The following GAREM1 variants were observed in gnomAD, a reference collection of about 807,000 sequenced individuals.
The protein encoded by GAREM1 is GRB2-associated and regulator of MAPK protein 1.
Under a neutral mutation model 71.3 loss-of-function variants are expected in GAREM1, and 26 were observed. That is an observed-to-expected ratio of 0.36 (90% CI 0.27 to 0.51). The LOEUF is 0.51. Among genes scored for constraint, GAREM1 ranks in the 20% least tolerant of loss-of-function variants. The pLI, the probability that GAREM1 is intolerant of heterozygous loss-of-function variation, is 0.95. For missense variants in GAREM1, 1,026 were observed against 1,103.1 expected, an observed-to-expected ratio of 0.93 and a Z score of 0.99; for synonymous variants, 440 against 433.2, an observed-to-expected ratio of 1.02 and a Z score of -0.20.
chr18:32,407,969 T>C (rs2048380338), intron 1 of GAREM1, among the ~76,000 whole-genome samples: 1 of 151,876 alleles, frequency 6.6e-6, no homozygotes, highest in Non-Finnish European at 1.5e-5. Context: ...AACTAGAGTT[T>C]TGTCTTTTTT....
chr18:32,362,684 C>T (rs2047877442), intron 2 of GAREM1, among the ~76,000 whole-genome samples: 1 of 152,166 alleles, frequency 6.6e-6, no homozygotes, highest in Non-Finnish European at 1.5e-5. Context: ...ACCTAACCAT[C>T]CACTTATGCT....
intron 1 of GAREM1, among the ~76,000 whole-genome samples, chr18:32,443,375 T>C (rs1386642178): frequency 6.6e-6 from 1 of 152,114 alleles, no homozygotes; most frequent in African/African-American, 2.4e-5. Flanking sequence ...GAAGAAAGTA[T>C]TTACAAAACA....
intron 2 of GAREM1, among the ~76,000 whole-genome samples, chr18:32,334,881 G>A (rs887401961): frequency 6.6e-5 from 10 of 152,088 alleles, no homozygotes; most frequent in African/African-American, 2.2e-4. Context: ...ACCCTCAGGA[G>A]AGTTGACAAA....
intron 4 of GAREM1, among the ~76,000 whole-genome samples, chr18:32,285,574 A>T (rs2047005827): frequency 6.6e-6 from 1 of 152,172 alleles, no homozygotes; most frequent in Non-Finnish European, 1.5e-5. Flanking sequence ...CTTCCAATTC[A>T]GGTACATTTT....
intron 4 of GAREM1, among the ~76,000 whole-genome samples, chr18:32,279,726 C>T (rs551835506): frequency 4.9e-4 from 75 of 152,272 alleles, no homozygotes; most frequent in African/African-American, 1.6e-3. Flanking sequence ...ACGCCAGGTC[C>T]GTGGAAAAAT....
chr18:32,331,493 C>G (rs1180661636), intron 2 of GAREM1: 1 of 152,260 alleles, frequency 6.6e-6, no homozygotes, highest in East Asian at 1.9e-4. Context: ...AAATATTAAT[C>G]CTGTATATGA....
intron 2 of GAREM1, among the ~76,000 whole-genome samples, chr18:32,343,309 C>T (rs1240313670): frequency 1.4e-5 from 2 of 141,270 alleles, no homozygotes; most frequent in African/African-American, 5.7e-5. Context: ...CTCTCCCCCA[C>T]TGTTTTTTTT....
At chr18:32,453,117 A>G (rs1200108353) in intron 1 of GAREM1, among the ~76,000 whole-genome samples, 2 of 152,082 alleles carry the variant, frequency 1.3e-5, no homozygotes, top group Non-Finnish European at 2.9e-5. Context: ...GGAAAGTGAA[A>G]GGCACGTCTT....
intron 3 of GAREM1, among the ~76,000 whole-genome samples, chr18:32,292,616 G>A (rs1445367564): frequency 3.9e-5 from 6 of 152,092 alleles, no homozygotes; most frequent in South Asian, 2.1e-4. Flanking sequence ...GAGTTCTCAC[G>A]AGATATCATG....
At chr18:32,352,053 A>G (rs2047758572) in intron 2 of GAREM1, among the ~76,000 whole-genome samples, 4 of 152,172 alleles carry the variant, frequency 2.6e-5, no homozygotes, top group Non-Finnish European at 5.9e-5. Flanking sequence ...GTTAAAACAA[A>G]CCAAACATCC....
intron 2 of GAREM1, among the ~76,000 whole-genome samples, chr18:32,332,705 C>G (rs1053458063): frequency 6.6e-6 from 1 of 152,156 alleles, no homozygotes; most frequent in African/African-American, 2.4e-5. Flanking sequence ...TCCTACCACA[C>G]CATCTGACGG....
At chr18:32,440,870 C>T (rs1426362425) in intron 1 of GAREM1, among the ~76,000 whole-genome samples, 1 of 152,212 alleles carries the variant, frequency 6.6e-6, no homozygotes, top group Non-Finnish European at 1.5e-5. Flanking sequence ...CTTAGAAATA[C>T]CTTCGTTTAT....
chr18:32,295,555 T>A (rs1319548019), intron 3 of GAREM1, among the ~76,000 whole-genome samples: 1 of 152,334 alleles, frequency 6.6e-6, no homozygotes, highest in East Asian at 1.9e-4. Flanking sequence ...TGAGTGGTGA[T>A]CATCAATATG....
At chr18:32,343,070 A>G (rs1392329120) in intron 2 of GAREM1, among the ~76,000 whole-genome samples, 3 of 152,242 alleles carry the variant, frequency 2.0e-5, no homozygotes, top group South Asian at 4.1e-4. Flanking sequence ...AACATTGCTA[A>G]CTTGTTTTAG....
chr18:32,312,379 C>A (rs951401642), intron 2 of GAREM1, among the ~76,000 whole-genome samples: 19 of 152,106 alleles, frequency 1.2e-4, no homozygotes, highest in African/African-American at 4.6e-4. Flanking sequence ...GATCTGATTC[C>A]TCTCATGAAT....
At chr18:32,453,915 G>C in intron 1 of GAREM1, among the ~76,000 whole-genome samples, 1 of 151,938 alleles carries the variant, frequency 6.6e-6, no homozygotes, top group Non-Finnish European at 1.5e-5. Context: ...GTTAGTGCTG[G>C]GGACACAATG....
chr18:32,449,676 G>A (rs1443436801), intron 1 of GAREM1, among the ~76,000 whole-genome samples: 3 of 152,144 alleles, frequency 2.0e-5, no homozygotes, highest in Non-Finnish European at 4.4e-5. Context: ...AAAACAAAGG[G>A]TTGGGGGGCA....
chr18:32,331,879 C>T (rs1280175320), intron 2 of GAREM1, among the ~76,000 whole-genome samples: 4 of 151,598 alleles, frequency 2.6e-5, no homozygotes, highest in Non-Finnish European at 5.9e-5. Flanking sequence ...AACATCTGGG[C>T]GCAGGCAGAG....
At chr18:32,456,458 A>G (rs1222614534) in intron 1 of GAREM1, among the ~76,000 whole-genome samples, 1 of 152,128 alleles carries the variant, frequency 6.6e-6, no homozygotes, top group Non-Finnish European at 1.5e-5. Context: ...AGATTTGGAG[A>G]AATGGTATTC....
Sources: allele counts gnomAD v4.1 joint callset (sites outside exome capture counted in the v4.1 genomes callset), GRCh38; gene constraint gnomAD v4.1.1; transcripts MANE v1.5; gene names NCBI Gene and HGNC (gene_info 2026-07-23, HGNC 2026-07-21).